The following CABCOCO1 variants were observed in gnomAD, a reference collection of about 807,000 sequenced individuals.
CABCOCO1 encodes ciliary associated calcium binding coiled-coil 1, also known as ciliary-associated calcium-binding coiled-coil protein 1.
In CABCOCO1, 28 loss-of-function variants were observed where a neutral mutation model predicts 35.7. The ratio of observed to expected loss-of-function variants is 0.78; its 90% CI spans 0.58 to 1.07. CABCOCO1 has a LOEUF of 1.07. Among genes scored for constraint, CABCOCO1 ranks in the 50% least tolerant of loss-of-function variants. CABCOCO1 has a pLI of 0.00. For missense variants in CABCOCO1, 326 were observed against 309.2 expected, an observed-to-expected ratio of 1.05 and a Z score of -0.41; for synonymous variants, 95 against 100.1, an observed-to-expected ratio of 0.95 and a Z score of 0.30.
At chr10:61,733,119 T>A (rs1411805242) in intron 5 of CABCOCO1, among the ~76,000 whole-genome samples, 2 of 152,060 alleles carry the variant, frequency 1.3e-5, no homozygotes, top group Non-Finnish European at 2.9e-5. Flanking sequence ...CATTTACATA[T>A]GCTTTTTATA....
chr10:61,749,886 G>T (rs1841743479), intron 5 of CABCOCO1, among the ~76,000 whole-genome samples: 1 of 151,872 alleles, frequency 6.6e-6, no homozygotes, highest in Middle Eastern at 3.4e-3. Flanking sequence ...AATGCAGTAT[G>T]ATTTGAAGGA....
At chr10:61,765,594 T>C (rs1387434317) in intron 7 of CABCOCO1, among the ~76,000 whole-genome samples, 1 of 152,176 alleles carries the variant, frequency 6.6e-6, no homozygotes, top group Admixed American at 6.5e-5. Context: ...AGCACTGCAA[T>C]AACTGAGCCC....
chr10:61,721,128 G>A (rs1316656713), intron 5 of CABCOCO1, among the ~76,000 whole-genome samples: 1 of 151,610 alleles, frequency 6.6e-6, no homozygotes, highest in African/African-American at 2.4e-5. Flanking sequence ...GTTTCACCGT[G>A]TTAGCCAGGA....
intron 2 of CABCOCO1, among the ~76,000 whole-genome samples, chr10:61,673,485 A>G (rs773860394): frequency 6.6e-6 from 1 of 152,242 alleles, no homozygotes. Flanking sequence ...TCTGCAGGCC[A>G]GTCCTTGGGA....
At chr10:61,686,451 A>G (rs1332323120) in intron 4 of CABCOCO1, among the ~76,000 whole-genome samples, 2 of 152,166 alleles carry the variant, frequency 1.3e-5, no homozygotes, top group Non-Finnish European at 2.9e-5. Context: ...ATATAATTTT[A>G]TCTAGAATTG....
intron 5 of CABCOCO1, among the ~76,000 whole-genome samples, chr10:61,691,366 A>G (rs769803881): frequency 5.3e-5 from 8 of 152,222 alleles, no homozygotes; most frequent in Non-Finnish European, 1.0e-4. Flanking sequence ...TTTAGTGCAT[A>G]GGACAGCAGT....
At chr10:61,697,010 T>C (rs532407386) in intron 5 of CABCOCO1, among the ~76,000 whole-genome samples, 31 of 152,222 alleles carry the variant, frequency 2.0e-4, no homozygotes, top group Non-Finnish European at 3.7e-4. Flanking sequence ...AAAAGATGGA[T>C]TAATACCTTG....
At chr10:61,724,175 A>C (rs12571462) in intron 5 of CABCOCO1, among the ~76,000 whole-genome samples, 17,836 of 152,230 alleles carry the variant, frequency 0.12, 1,395 homozygotes, top group African/African-American at 0.19. Flanking sequence ...TTAACAAAAG[A>C]AGCATACTTT....
At chr10:61,701,924 A>T in intron 5 of CABCOCO1, 2 of 539,930 alleles carry the variant, frequency 3.7e-6, no homozygotes, top group Non-Finnish European at 4.7e-6. Context: ...GGCAAACCAA[A>T]GATCGTTGGA....
At chr10:61,724,587 T>C (rs2132045592) in intron 5 of CABCOCO1, among the ~76,000 whole-genome samples, 1 of 152,186 alleles carries the variant, frequency 6.6e-6, no homozygotes, top group Non-Finnish European at 1.5e-5. Flanking sequence ...TTTATATGAG[T>C]GAACATTCAT....
chr10:61,765,907 C>A, intron 7 of CABCOCO1, 32 bp from the exon 8 acceptor site: 1 of 1,589,950 alleles, frequency 6.3e-7, no homozygotes, highest in Non-Finnish European at 8.6e-7. Flanking sequence ...ATAGCTCCAT[C>A]ATAACCACGT....
chr10:61,697,773 CTTATTAACATATTGATAGA>C (rs1840334168), intron 5 of CABCOCO1, among the ~76,000 whole-genome samples: 2 of 152,020 alleles, frequency 1.3e-5, no homozygotes, highest in Non-Finnish European at 2.9e-5. Flanking sequence ...TATAAACAAA[CTTATTAACATATTGATAGA>C]CAGAGTGACT....
At chr10:61,711,261 C>T (rs1840727940) in intron 5 of CABCOCO1, among the ~76,000 whole-genome samples, 1 of 151,878 alleles carries the variant, frequency 6.6e-6, no homozygotes, top group African/African-American at 2.4e-5. Context: ...AGAATAAGGA[C>T]ATAAACAGTT....
chr10:61,714,775 T>C (rs900568635), intron 5 of CABCOCO1, among the ~76,000 whole-genome samples: 3 of 152,218 alleles, frequency 2.0e-5, no homozygotes, highest in African/African-American at 7.2e-5. Flanking sequence ...ATTTACCCTG[T>C]AATCATTCAG....
intron 4 of CABCOCO1, among the ~76,000 whole-genome samples, chr10:61,687,033 G>T (rs2131987964): frequency 6.6e-6 from 1 of 152,284 alleles, no homozygotes; most frequent in Non-Finnish European, 1.5e-5. Flanking sequence ...TAAGAGTGCT[G>T]ACTGATATCT....
At position 61,760,922 on chromosome 10, in the gene CABCOCO1, G is replaced by T. The variant is rs752415805; in HGVS notation, c.735G>T (p.Met245Ile). ...AGCCAGAAACTGACACCTCAGACAT[G>T]GATCCTTTAGTTGGTTTTACCATTG... ...ESQPETDTSD[M>I]DPLVGFTIED... The change falls in exon 7 of 8, where the codon ATG becomes ATT. Residue 245 changes from methionine to isoleucine, a missense_variant. Transcript: ENST00000648843. 6.2e-7 allele frequency: 1 copy of T among 1,612,642 alleles called. No individual in the cohort carries two copies. The highest frequency in any genetic ancestry group is 8.5e-7 in the Non-Finnish European group (1 of 1,179,092).
At chr10:61,710,098 A>G (rs1243377132) in intron 5 of CABCOCO1, among the ~76,000 whole-genome samples, 1 of 152,056 alleles carries the variant, frequency 6.6e-6, no homozygotes, top group Non-Finnish European at 1.5e-5. Flanking sequence ...AATTTGCCTG[A>G]TTACTAATAA....
chr10:61,696,796 G>A (rs913824370), intron 5 of CABCOCO1, among the ~76,000 whole-genome samples: 1 of 151,952 alleles, frequency 6.6e-6, no homozygotes, highest in African/African-American at 2.4e-5. Context: ...GTGAGCCACT[G>A]ATTCCAGCCC....
rs1363137896 is a variant in CABCOCO1 at position 61,740,529 on chromosome 10, G to C, written c.553-19530G>C. On this transcript the variant is annotated intron_variant, in intron 5 of 7. Coordinates refer to ENST00000648843, the MANE Select transcript of CABCOCO1 (RefSeq NM_001366906.2). ...CTCTAAAATATATTTTTGAAGACTT[G>C]GAATAAAAACCAAAGTGCAAATGAA... Among the ~76,000 whole-genome samples the C allele has an allele frequency of 2.6e-5, 4 of 152,054 alleles. No homozygotes were observed. The East Asian group carries it at 7.7e-4, about 29-fold the overall frequency.
Sources: allele counts gnomAD v4.1 joint callset (sites outside exome capture counted in the v4.1 genomes callset), GRCh38; gene constraint gnomAD v4.1.1; transcripts MANE v1.5; gene names NCBI Gene and HGNC (gene_info 2026-07-23, HGNC 2026-07-21).